The following ITGBL1 variants were observed in gnomAD, a reference collection of about 807,000 sequenced individuals.
ITGBL1 encodes integrin subunit beta like 1.
In ITGBL1, 51 loss-of-function variants were observed where a neutral mutation model predicts 68.5. The observed-to-expected ratio is 0.74, with a 90% CI of 0.59 to 0.94. The LOEUF (loss-of-function observed/expected upper bound fraction) is 0.94. Ranked by LOEUF, ITGBL1 falls within the 40% of genes least tolerant of loss-of-function variation. The pLI, the probability that ITGBL1 is intolerant of heterozygous loss-of-function variation, is 0.00. For missense variants in ITGBL1, 649 were observed against 647.4 expected, an observed-to-expected ratio of 1.00 and a Z score of -0.03; for synonymous variants, 209 against 227.3, an observed-to-expected ratio of 0.92 and a Z score of 0.72.
At chr13:101,527,430 A>C (rs533139602) in intron 2 of ITGBL1, among the ~76,000 whole-genome samples, 1 of 152,108 alleles carries the variant, frequency 6.6e-6, no homozygotes, top group East Asian at 1.9e-4. Flanking sequence ...ATAGTAGTAC[A>C]TGTATGGATA....
At chr13:101,696,084 G>T (rs746300647) in intron 8 of ITGBL1, among the ~76,000 whole-genome samples, 1 of 147,960 alleles carries the variant, frequency 6.8e-6, no homozygotes, top group Non-Finnish European at 1.5e-5. Context: ...TCTCATCTCT[G>T]TGCATATGGG....
chr13:101,493,720 A>G lies in ITGBL1; in HGVS notation c.316+39620A>G, dbSNP rs527567270. Among the ~76,000 whole-genome samples, 13 of 152,300 alleles carry G rather than the reference A, an allele frequency of 8.5e-5. No individual in the cohort carries two copies. In the South Asian group the frequency reaches 2.7e-3, roughly 32 times the overall value. The stretch of plus-strand genomic sequence containing the variant: ...CACCTGGGGGACCTAAGCCTGTAGA[A>G]CATCTATCTCATTTTCTTTCTTTTG... On this transcript the variant is annotated intron_variant, in intron 2 of 10. Coordinates refer to ENST00000376180, the MANE Select transcript of ITGBL1 (RefSeq NM_004791.3).
intron 7 of ITGBL1, among the ~76,000 whole-genome samples, chr13:101,685,679 G>A (rs940777883): frequency 1.3e-5 from 2 of 151,950 alleles, no homozygotes; most frequent in African/African-American, 4.8e-5. Flanking sequence ...GTCTTCTCAG[G>A]GGATGACTCT....
At chr13:101,480,088 C>G (rs553359956) in intron 2 of ITGBL1, among the ~76,000 whole-genome samples, 12 of 152,060 alleles carry the variant, frequency 7.9e-5, no homozygotes, top group African/African-American at 2.9e-4. Flanking sequence ...AACAGATGAA[C>G]AGTTAAAGAA....
intron 2 of ITGBL1, among the ~76,000 whole-genome samples, chr13:101,509,829 T>A (rs1271511529): frequency 6.6e-6 from 1 of 152,140 alleles, no homozygotes; most frequent in Non-Finnish European, 1.5e-5. Context: ...TTTTTCAAGT[T>A]TCCTGTTATT....
At position 101,706,761 on chromosome 13, in the gene ITGBL1, G is replaced by T. The variant is rs373082645; in HGVS notation, c.1138G>T (p.Gly380Cys). 4.3e-6 allele frequency: 7 copies of T among 1,613,884 alleles called. No individual in the cohort carries two copies. The highest frequency in any genetic ancestry group is 5.9e-6 in the Non-Finnish European group (7 of 1,179,866). The stretch of plus-strand genomic sequence containing the variant: ...TTCCTGTGGTTGCTTCACAGGCCAC[G>T]GCACATGTTCCTGTGGTCGCTGTGT... ...DLDGVVCGGH[G>C]TCSCGRCVCE... Residue 380 changes from glycine (G) to cysteine (C), a missense_variant, in exon 9 of 11, where the codon GGC becomes TGC. Physicochemically the swap from Gly to Cys is radical, Grantham distance 159. Coordinates refer to ENST00000376180, the MANE Select transcript of ITGBL1 (RefSeq NM_004791.3).
chr13:101,639,532 A>G (rs1415203497), intron 7 of ITGBL1, among the ~76,000 whole-genome samples: 2 of 152,200 alleles, frequency 1.3e-5, no homozygotes, highest in African/African-American at 4.8e-5. Flanking sequence ...AAGAAGTTAA[A>G]TATTTACTTT....
chr13:101,718,878 C>G (rs2034820775), downstream of ITGBL1: 1 of 151,932 alleles, frequency 6.6e-6, no homozygotes, highest in South Asian at 2.1e-4. Flanking sequence ...AGTCAACAGG[C>G]CCTATGTCAC....
chr13:101,626,705 G>A (rs1211055434), intron 7 of ITGBL1, among the ~76,000 whole-genome samples: 2 of 152,072 alleles, frequency 1.3e-5, no homozygotes, highest in African/African-American at 4.8e-5. Flanking sequence ...AGATAATTTC[G>A]TTGTGGAGAA....
intron 7 of ITGBL1, among the ~76,000 whole-genome samples, chr13:101,634,970 G>A (rs2032117867): frequency 6.7e-6 from 1 of 149,968 alleles, no homozygotes; most frequent in South Asian, 2.1e-4. Context: ...GTGTGTGTGT[G>A]TATTTCTAGT....
intron 2 of ITGBL1, among the ~76,000 whole-genome samples, chr13:101,517,260 C>T (rs1368364164): frequency 6.6e-6 from 1 of 152,142 alleles, no homozygotes; most frequent in Non-Finnish European, 1.5e-5. Context: ...TTAAATCCTA[C>T]ATCAGTACCT....
chr13:101,453,762 G>T, intron 1 of ITGBL1, 121 bp from the exon 2 acceptor site: 2 of 522,432 alleles, frequency 3.8e-6, no homozygotes, highest in Non-Finnish European at 2.9e-6. Flanking sequence ...GGCCTCAGGC[G>T]TCCTGTTCTT....
At chr13:101,689,459 A>G (rs2033835128) in intron 7 of ITGBL1, among the ~76,000 whole-genome samples, 2 of 151,674 alleles carry the variant, frequency 1.3e-5, no homozygotes, top group East Asian at 2.0e-4. Context: ...ATAAACTTAC[A>G]AAAATTAGCC....
At chr13:101,652,716 AAGAAGTGTTTCCTC>A (rs1342452133) in intron 7 of ITGBL1, among the ~76,000 whole-genome samples, 3 of 152,220 alleles carry the variant, frequency 2.0e-5, no homozygotes, top group Non-Finnish European at 4.4e-5. Flanking sequence ...AAGAAGGTTC[AAGAAGTGTTTCCTC>A]AGAAACACCC....
intron 2 of ITGBL1, among the ~76,000 whole-genome samples, chr13:101,526,895 G>T (rs948179335): frequency 6.6e-5 from 10 of 151,802 alleles, no homozygotes. Flanking sequence ...CTAAAAATAA[G>T]AACATTTTCT....
intron 2 of ITGBL1, among the ~76,000 whole-genome samples, chr13:101,488,249 C>T (rs1213159791): frequency 2.0e-5 from 3 of 152,222 alleles, no homozygotes; most frequent in African/African-American, 7.2e-5. Flanking sequence ...ATTAAAGGCA[C>T]AGCCTTTTCA....
At chr13:101,527,092 C>T (rs2049393392) in intron 2 of ITGBL1, among the ~76,000 whole-genome samples, 1 of 152,018 alleles carries the variant, frequency 6.6e-6, no homozygotes, top group Non-Finnish European at 1.5e-5. Flanking sequence ...TAAAAAATCA[C>T]ATCTATTAAG....
At position 101,652,081 on chromosome 13, in the gene ITGBL1, A is replaced by T. The variant is rs9557717; in HGVS notation, c.1016-40504A>T. Among the ~76,000 whole-genome samples the T allele has an allele frequency of 6.9e-3, 1,045 of 152,000 alleles. 15 individuals carry two copies. The highest frequency in any genetic ancestry group is 0.033 in the East Asian group (169 of 5,182). ...TGTTTTGGTTACCATGTGACTTTTTAAAAAAAATTATTTATTTATTTATTT... is the reference window on the plus strand; with the variant it reads ...TGTTTTGGTTACCATGTGACTTTTTTAAAAAAATTATTTATTTATTTATTT... On this transcript the variant is annotated intron_variant, in intron 7 of 10. Transcript: ENST00000376180.
intron 7 of ITGBL1, among the ~76,000 whole-genome samples, chr13:101,669,051 T>G (rs1033327865): frequency 2.0e-5 from 3 of 152,168 alleles, no homozygotes; most frequent in Admixed American, 2.0e-4. Flanking sequence ...GAGTTAAACC[T>G]TTTAATTAAT....
Sources: allele counts gnomAD v4.1 joint callset (sites outside exome capture counted in the v4.1 genomes callset), GRCh38; gene constraint gnomAD v4.1.1; transcripts MANE v1.5; gene names NCBI Gene and HGNC (gene_info 2026-07-23, HGNC 2026-07-21).